DENND4B: variants seen among roughly 807,000 people sequenced by gnomAD.
DENND4B encodes the protein DENN domain-containing protein 4B.
DENND4B carries 67 observed loss-of-function variants against 161.0 expected under a neutral mutation model. That is an observed-to-expected ratio of 0.42 (90% CI 0.34 to 0.51). The LOEUF is 0.51. Ranked by LOEUF, DENND4B falls within the 20% of genes least tolerant of loss-of-function variation. DENND4B has a pLI of 0.08. For missense variants in DENND4B, 1,481 were observed against 1,968.0 expected (o/e 0.75, Z 4.68); for synonymous variants, 753 against 813.8 (o/e 0.93, Z 1.27).
Position 153,936,227 on chromosome 1 carries a change from C to G in DENND4B, c.2440-39G>C. 1.3e-6 allele frequency: 2 copies of G among 1,579,030 alleles called. No individual in the cohort carries two copies. Among genetic ancestry groups the G allele is most frequent in the South Asian group, 1.2e-5 (1 of 86,368 alleles). On this transcript the variant is annotated intron_variant, in intron 16 of 27. Coordinates refer to ENST00000361217, the MANE Select transcript of DENND4B (RefSeq NM_014856.3). The surrounding 1 kb of genome is among the most constrained non-coding windows in gnomAD (Gnocchi z 4.1). ...GGCACAGGACAATGGGAGACTCACT[C>G]TCAACCAAAACCAAAGTCTCAGCAA...
chr1:153,945,353 G>GT, intron 1 of DENND4B: 2 of 355,380 alleles, frequency 5.6e-6, no homozygotes, highest in South Asian at 4.2e-5. Flanking sequence ...GGCGGTGGCG[G>GT]TGGTGGGGTT....
At chr1:153,939,991 T>C (rs1474856369) in intron 11 of DENND4B, 165 bp downstream of exon 11, 1 of 817,180 alleles carries the variant, frequency 1.2e-6, no homozygotes, top group Non-Finnish European at 1.9e-6. Context: ...TGTCTGCCCT[T>C]CCTTCTAGCT....
At position 153,936,416 on chromosome 1, in the gene DENND4B, T is replaced by C; in HGVS notation, c.2439+126A>G. ...TCACTCGACGAATGTTTATAGATAA[T>C]CTGCCCAGCTCTGGGGCTCTGCAAC... On this transcript the variant is annotated intron_variant, in intron 16 of 27. Transcript: ENST00000361217. This position sits in a 1 kb window ranked among gnomAD's most constrained non-coding sequence, Gnocchi z 4.1. 8.4e-7 allele frequency: 1 copy of C among 1,189,490 alleles called. No individual in the cohort carries two copies. Among genetic ancestry groups the C allele is most frequent in the Non-Finnish European group, 1.2e-6 (1 of 857,490 alleles). The allele number at this position is 1,189,490 out of a possible 1,614,324, so 73.7% of individuals were successfully genotyped here.
intron 6 of DENND4B, 94 bp downstream of exon 6, chr1:153,941,775 G>GGGGGGGCC: frequency 6.0e-6 from 8 of 1,338,166 alleles, no homozygotes; most frequent in Admixed American, 2.0e-5. Flanking sequence ...CCTGTGCCCA[G>GGGGGGGCC]CCCTCCCCCC....
Position 153,930,268 on chromosome 1 carries a change from C to T in DENND4B, c.*29G>A. Reference sequence around the variant, plus strand: ...AATCCCTTCTTCCTCACTTCCCCACCCTAGGCTGGAGAGGGAAGCTTAAGG... The same window carrying T: ...AATCCCTTCTTCCTCACTTCCCCACTCTAGGCTGGAGAGGGAAGCTTAAGG... On this transcript the variant is annotated 3_prime_UTR_variant, in exon 28 of 28. Coordinates refer to ENST00000361217, the MANE Select transcript of DENND4B (RefSeq NM_014856.3). This position sits in a 1 kb window ranked among gnomAD's most constrained non-coding sequence, Gnocchi z 4.7. The T allele has an allele frequency of 6.2e-7, 1 of 1,604,688 alleles. No individual in the cohort carries two copies. Among genetic ancestry groups the T allele is most frequent in the Non-Finnish European group, 8.5e-7 (1 of 1,172,894 alleles).
chr1:153,943,952 G>A (rs932774403), intron 2 of DENND4B, 106 bp downstream of exon 2: 9 of 1,279,424 alleles, frequency 7.0e-6, no homozygotes, highest in Non-Finnish European at 9.3e-6. Flanking sequence ...GGCCCACCAG[G>A]CTCCCATCCC....
In DENND4B at chr1:153,941,081, CCAGGATACCCTGGG is replaced by C. The variant is rs1363884422; in HGVS notation, c.1182-47_1182-34del. ...CAATGCCGAGGTGGGGAAAGGGTCA[CCAGGATACCCTGGG>C]GACCCTTCCCCAGATGCCAGGCACA... On this transcript the variant is annotated intron_variant, in intron 8 of 27. Coordinates refer to ENST00000361217, the MANE Select transcript of DENND4B (RefSeq NM_014856.3). The C allele has an allele frequency of 3.2e-6, 5 of 1,554,522 alleles. No homozygotes were observed. The Admixed American group carries it at 9.8e-5, about 30-fold the overall frequency.
In DENND4B at chr1:153,934,441, G is replaced by GT. The variant is rs1553203250; in HGVS notation, c.2774-140dup. ...TTATCCGTTTTGTGTTTGTTTGTTT[G>GT]TTTGTTTTGTTTTGTTTTTTGAGAT... On this transcript the variant is annotated intron_variant, in intron 18 of 27. Transcript: ENST00000361217. This position sits in a 1 kb window ranked among gnomAD's most constrained non-coding sequence, Gnocchi z 5.3. The GT allele has an allele frequency of 1.7e-5, 22 of 1,271,872 alleles. No homozygotes were observed. Among genetic ancestry groups the GT allele is most frequent in the Admixed American group, 2.9e-5 (1 of 34,932 alleles). 78.8% of individuals were successfully genotyped at this position (1,271,872 alleles called of 1,614,324 possible).
In DENND4B at chr1:153,937,545, A is replaced by C. The variant is rs1259672638; in HGVS notation, c.2175T>G (p.Pro725=). The change falls in exon 15 of 28, where the codon CCT becomes CCG. Residue 725 remains proline (P), a synonymous_variant. Coordinates refer to ENST00000361217, the MANE Select transcript of DENND4B (RefSeq NM_014856.3). This position sits in a 1 kb window ranked among gnomAD's most constrained non-coding sequence, Gnocchi z 4.7. ...GGGCGCTACGGGAAGGGCCTGGCAC[A>C]GGCAGGGCCCCAGGTTGCTCTTGAA... ...ESLQEQPGAL[P]VPGPSRSAPS... 1 of 1,610,588 alleles carries C rather than the reference A, an allele frequency of 6.2e-7. No homozygotes were observed. Among genetic ancestry groups the C allele is most frequent in the Non-Finnish European group, 8.5e-7 (1 of 1,178,242 alleles).
In DENND4B at chr1:153,934,812, C is replaced by CTGCTGCTGT. The variant is rs766542162; in HGVS notation, c.2720_2721insACAGCAGCA (p.Gln908_Gln910dup). On this transcript the variant is annotated inframe_insertion, in exon 18 of 28. Coordinates refer to ENST00000361217, the MANE Select transcript of DENND4B (RefSeq NM_014856.3). This position sits in a 1 kb window ranked among gnomAD's most constrained non-coding sequence, Gnocchi z 5.3. ...GTGCTGACACCTGCTCCTGCTGCTG[C>CTGCTGCTGT]TGCTGCTGCTGCTGCTGTTGCTGCT... 2.3e-5 allele frequency: 28 copies of CTGCTGCTGT among 1,242,400 alleles called. 1 individual carries two copies. Among genetic ancestry groups the CTGCTGCTGT allele is most frequent in the Middle Eastern group, 2.0e-4 (1 of 5,028 alleles). The allele number at this position is 1,242,400 out of a possible 1,614,324, so 77.0% of individuals were successfully genotyped here. A position where few individuals can be genotyped will look rare whatever the true frequency, so the allele number is the denominator to read the frequency against.
In DENND4B at chr1:153,933,598, G is replaced by T; in HGVS notation, c.3215C>A (p.Pro1072His). Residue 1072 changes from proline (P) to histidine (H), a missense_variant, in exon 20 of 28, where the codon CCT becomes CAT. Transcript: ENST00000361217. This position sits in a 1 kb window ranked among gnomAD's most constrained non-coding sequence, Gnocchi z 5.7. ...QQLLTPSRHS[P>H]ASRIPPPELP... Reference sequence around the variant, plus strand: ...CTCAGGTGGGGGAATGCGGGAGGCAGGGGAGTGGCGGGAAGGAGTGAGCAG... The same window carrying T: ...CTCAGGTGGGGGAATGCGGGAGGCATGGGAGTGGCGGGAAGGAGTGAGCAG... 6.4e-7 allele frequency: 1 copy of T among 1,550,710 alleles called. No homozygotes were observed. Among genetic ancestry groups the T allele is most frequent in the Non-Finnish European group, 8.7e-7 (1 of 1,151,450 alleles).
Position 153,937,488 on chromosome 1 carries a change from C to T in DENND4B, c.2232G>A (p.Gln744=), listed in dbSNP as rs1679415852. Residue 744 remains glutamine, a splice_region_variant and synonymous_variant, in exon 15 of 28, where the codon CAG becomes CAA. Coordinates refer to ENST00000361217, the MANE Select transcript of DENND4B (RefSeq NM_014856.3). The surrounding 1 kb of genome is among the most constrained non-coding windows in gnomAD (Gnocchi z 4.7). ...TCAGTGCGGTCCACCCACTGCTTAC[C>T]TGTTTGGTACGGCGAGGAGCAGGAC... is the stretch of plus-strand genomic sequence containing the variant. ...PSSPAPRRTK[Q]EMKVAQRMAQ... is the part of the protein sequence containing the mutation. 1 of 1,551,186 alleles carries T rather than the reference C, an allele frequency of 6.4e-7. No individual in the cohort carries two copies. The highest frequency in any genetic ancestry group is 1.2e-5 in the South Asian group (1 of 84,552).
chr1:153,936,735 G>A lies in DENND4B; in HGVS notation c.2246C>T (p.Ala749Val), dbSNP rs776157762. Residue 749 changes from alanine to valine, a missense_variant, in exon 16 of 28, where the codon GCA (alanine) becomes GTA (valine). This residue lies in a region of DENND4B where 806 missense variants were observed against 1,134.4 expected (regional missense o/e 0.71). Transcript: ENST00000361217. This position sits in a 1 kb window ranked among gnomAD's most constrained non-coding sequence, Gnocchi z 4.1. ...TGCTGACTTCTGTGCCATCCGCTGT[G>A]CAACTTTCATCTCCTAGGTAGGACA... is the stretch of plus-strand genomic sequence containing the variant. ...PRRTKQEMKV[A>V]QRMAQKSAAV... 6.3e-7 allele frequency: 1 copy of A among 1,591,526 alleles called. No homozygotes were observed. Among genetic ancestry groups the A allele is most frequent in the South Asian group, 1.1e-5 (1 of 88,602 alleles).
Position 153,932,725 on chromosome 1 carries a change from G to C in DENND4B, c.3676C>G (p.Pro1226Ala). ...CTGAGCACAGGGCCAGGACCACCAG[G>C]GACAGGAGCATCTTTGCTGCCACTG... ...GASGSKDAPVPGGPGPVLSDR... is the reference protein window; with the variant it reads ...GASGSKDAPVAGGPGPVLSDR... The change falls in exon 23 of 28, where the codon CCT becomes GCT. Residue 1226 changes from proline to alanine, a missense_variant. Around this residue, in one of 3 missense-constraint regions of DENND4B, gnomAD observed 336 missense variants for 503.3 expected, o/e 0.67. Transcript: ENST00000361217. The surrounding 1 kb of genome is among the most constrained non-coding windows in gnomAD (Gnocchi z 5.8). 6.2e-7 allele frequency: 1 copy of C among 1,614,084 alleles called. No homozygotes were observed. Among genetic ancestry groups the C allele is most frequent in the Non-Finnish European group, 8.5e-7 (1 of 1,179,904 alleles).
chr1:153,933,397 A>G lies in DENND4B; in HGVS notation c.3331-78T>C, dbSNP rs1238095164. 14 of 1,607,760 alleles carry G rather than the reference A, an allele frequency of 8.7e-6. No individual in the cohort carries two copies. In the East Asian group the frequency reaches 2.7e-4, roughly 31 times the overall value. On this transcript the variant is annotated intron_variant, in intron 20 of 27. Coordinates refer to ENST00000361217, the MANE Select transcript of DENND4B (RefSeq NM_014856.3). This position sits in a 1 kb window ranked among gnomAD's most constrained non-coding sequence, Gnocchi z 5.7. ...GATATGTGTTTCAAGCACCCCTCAGAGCCCCCTTTTTGAGCATTCTTCCAG... is the reference window on the plus strand; with the variant it reads ...GATATGTGTTTCAAGCACCCCTCAGGGCCCCCTTTTTGAGCATTCTTCCAG...
chr1:153,939,567 A>G (rs1453928979), intron 12 of DENND4B, 22 bp downstream of exon 12: 4 of 1,582,366 alleles, frequency 2.5e-6, no homozygotes, highest in Non-Finnish European at 3.5e-6. Context: ...TACATCTCCA[A>G]GCAGAGACAG....
In DENND4B at chr1:153,940,501, T is replaced by TG; in HGVS notation, c.1431dup (p.Ser478GlnfsTer4). 1 of 1,613,206 alleles carries TG rather than the reference T, an allele frequency of 6.2e-7. No homozygotes were observed. Among genetic ancestry groups the TG allele is most frequent in the Non-Finnish European group, 8.5e-7 (1 of 1,179,636 alleles). ...GGCGGGTCATGCAGATCAAAGTAGC[T>TG]GGAGTGGATACCCACAATGAAGGGC... On this transcript the variant is annotated frameshift_variant, in exon 10 of 28. Coordinates refer to ENST00000361217, the MANE Select transcript of DENND4B (RefSeq NM_014856.3). LOFTEE classifies it high-confidence loss of function. The surrounding 1 kb of genome is among the most constrained non-coding windows in gnomAD (Gnocchi z 5.6).
Position 153,932,716 on chromosome 1 carries a change from G to C in DENND4B, c.3685C>G (p.Pro1229Ala), listed in dbSNP as rs985239221. The stretch of plus-strand genomic sequence containing the variant: ...CTTCGGTCACTGAGCACAGGGCCAG[G>C]ACCACCAGGGACAGGAGCATCTTTG... The part of the protein sequence containing the change: ...GSKDAPVPGG[P>A]GPVLSDRRLC... The change falls in exon 23 of 28, where the codon CCT (proline) becomes GCT (alanine). Residue 1229 changes from proline (P) to alanine (A), a missense_variant. Pro to Ala is a conservative substitution (Grantham distance 27). Coordinates refer to ENST00000361217, the MANE Select transcript of DENND4B (RefSeq NM_014856.3). This position sits in a 1 kb window ranked among gnomAD's most constrained non-coding sequence, Gnocchi z 5.8. 1.9e-6 allele frequency: 3 copies of C among 1,613,922 alleles called. No individual in the cohort carries two copies. Among genetic ancestry groups the C allele is most frequent in the African/African-American group, 1.3e-5 (1 of 74,936 alleles).
chr1:153,933,647 C>A lies in DENND4B; in HGVS notation c.3166G>T (p.Gly1056Trp), dbSNP rs1047456267. ...AGCTGTTGGAGGCGGGCACCCAGCC[C>A]TCGTCGGGGGGTGCCTGCCTCATCC... Reference protein sequence around the residue: ...RQDEAGTPRRGLGARLQQLLT... With the variant: ...RQDEAGTPRRWLGARLQQLLT... Residue 1056 changes from glycine (G) to tryptophan (W), a missense_variant, in exon 20 of 28, where the codon GGG (glycine) becomes TGG (tryptophan). By Grantham distance (184) the Gly-to-Trp change is radical (BLOSUM62 -2). Coordinates refer to ENST00000361217, the MANE Select transcript of DENND4B (RefSeq NM_014856.3). The surrounding 1 kb of genome is among the most constrained non-coding windows in gnomAD (Gnocchi z 5.7). 8.9e-6 allele frequency: 14 copies of A among 1,567,132 alleles called. No individual in the cohort carries two copies. Among genetic ancestry groups the A allele is most frequent in the Non-Finnish European group, 1.2e-5 (14 of 1,158,366 alleles).
Sources: allele counts gnomAD v4.1 joint callset, GRCh38; gene constraint gnomAD v4.1.1; regional missense constraint gnomAD v4.1.1; non-coding constraint Gnocchi (gnomAD v3.1); transcripts MANE v1.5; gene names NCBI Gene and HGNC (gene_info 2026-07-23, HGNC 2026-07-21).